The following COG7 variants were observed in gnomAD, a reference collection of about 807,000 sequenced individuals.
The protein encoded by COG7 is component of oligomeric golgi complex 7, also known as conserved oligomeric Golgi complex subunit 7.
In COG7, 49 loss-of-function variants were observed where a neutral mutation model predicts 91.5. The ratio of observed to expected loss-of-function variants is 0.54; its 90% confidence interval spans 0.43 to 0.68. COG7 has a LOEUF of 0.68. COG7 is among the 30% of genes least tolerant of loss of function. The probability of loss-of-function intolerance (pLI) is 0.00; values close to 1 mark genes in which losing one functional copy is unlikely to be tolerated. For synonymous variants in COG7, 365 were observed against 388.7 expected, an observed-to-expected ratio of 0.94 and a Z score of 0.72; for missense variants, 895 against 961.3, an observed-to-expected ratio of 0.93 and a Z score of 0.91.
In COG7 at chr16:23,388,496, C is replaced by T. The variant is rs985301890; in HGVS notation, c.*424G>A. ...AAAGAAGAAGGAAACAGTCTTCTTG[C>T]ATTTCACAGTAGTTATTTATTCCAT... On this transcript the variant is annotated 3_prime_UTR_variant, in exon 17 of 17. Transcript: ENST00000307149. 1 of 170,698 alleles carries T rather than the reference C, an allele frequency of 5.9e-6. No individual in the cohort carries two copies. The allele number at this position is 170,698 out of a possible 1,614,324, so 10.6% of individuals were successfully genotyped here.
chr16:23,440,085 CAAAAAAAAA>C (rs11294739), intron 4 of COG7, among the ~76,000 whole-genome samples: 1 of 79,304 alleles, frequency 1.3e-5, no homozygotes, highest in African/African-American at 4.1e-5. Flanking sequence ...CCCATCTATA[CAAAAAAAAA>C]AAAAAAAAAA....
At position 23,417,068 on chromosome 16, in the gene COG7, C is replaced by T. The variant is rs1417483591; in HGVS notation, c.1191G>A (p.Lys397=). The T allele has an allele frequency of 2.5e-6, 4 of 1,614,232 alleles. No homozygotes were observed. The highest frequency in any genetic ancestry group is 3.3e-5 in the Admixed American group (2 of 60,024). ...CVQELSHSVN[K]LFGLASAAVD... is the part of the protein sequence containing the mutation. ...CGGCTGCAGACGCCAGACCAAACAG[C>T]TTGTTCACGGAGTGGCTCAGCTCCT... Residue 397 remains lysine, a synonymous_variant, in exon 9 of 17, where the codon AAG becomes AAA. Coordinates refer to ENST00000307149, the MANE Select transcript of COG7 (RefSeq NM_153603.4).
chr16:23,436,447 A>G (rs1964014545), intron 4 of COG7, among the ~76,000 whole-genome samples: 1 of 152,176 alleles, frequency 6.6e-6, no homozygotes, highest in Non-Finnish European at 1.5e-5. Flanking sequence ...AAAAACTGTT[A>G]GCTAGGCCGG....
At chr16:23,398,171 A>G (rs778278998) in intron 13 of COG7, 42 bp from the exon 14 acceptor site, 1 of 1,546,424 alleles carries the variant, frequency 6.5e-7, no homozygotes, top group Non-Finnish European at 8.9e-7. Flanking sequence ...CCTAGCAGCC[A>G]GGCAGCTGTG....
At chr16:23,418,930 G>T in intron 7 of COG7, 103 bp from the exon 8 acceptor site, 1 of 991,104 alleles carries the variant, frequency 1.0e-6, no homozygotes, top group Non-Finnish European at 1.6e-6. Flanking sequence ...TTCCCCATTT[G>T]ATCTCCAGAG....
rs1247494434 is a variant in COG7 at position 23,424,846 on chromosome 16, C to A, written c.912G>T (p.Arg304Ser). ...LPSCLSNGVERAGPEQELTRL... is the reference protein window; with the variant it reads ...LPSCLSNGVESAGPEQELTRL... ...TGGTGAGCTCCTGCTCGGGCCCTGC[C>A]CTCTCCACGCCGTTGCTGAGGCAGG... The change falls in exon 7 of 17, where the codon AGG becomes AGT. Residue 304 changes from arginine (R) to serine (S), a missense_variant. Arg to Ser is a moderately radical substitution (Grantham distance 110). Coordinates refer to ENST00000307149, the MANE Select transcript of COG7 (RefSeq NM_153603.4). 6.2e-7 allele frequency: 1 copy of A among 1,614,130 alleles called. No homozygotes were observed. Among genetic ancestry groups the A allele is most frequent in the African/African-American group, 1.3e-5 (1 of 74,950 alleles).
chr16:23,442,353 A>G, intron 4 of COG7, 124 bp downstream of exon 4: 2 of 922,822 alleles, frequency 2.2e-6, no homozygotes, highest in South Asian at 3.0e-5. Context: ...AAAAAAAAAA[A>G]TTACAGAGTT....
intron 4 of COG7, among the ~76,000 whole-genome samples, chr16:23,440,976 GA>G (rs1244627011): frequency 6.6e-6 from 1 of 151,704 alleles, no homozygotes; most frequent in Non-Finnish European, 1.5e-5. Flanking sequence ...AGAGACCAGA[GA>G]AAATATGATA....
chr16:23,413,604 T>C (rs1363079416), intron 9 of COG7, 40 bp from the exon 10 acceptor site: 1 of 1,046,432 alleles, frequency 9.6e-7, no homozygotes, highest in Non-Finnish European at 1.5e-6. Context: ...AGGTCACCAC[T>C]GATTCCCCAA....
In COG7 at chr16:23,393,241, G is replaced by A. The variant is rs747701062; in HGVS notation, c.1994C>T (p.Pro665Leu). The change falls in exon 15 of 17, where the codon CCT becomes CTT. Residue 665 changes from proline to leucine, a missense_variant. Transcript: ENST00000307149. ...AAACGGTCCCCGCTTACCCTGCTCA[G>A]GAGGAAATGGCAGCTTTCCAGCGTG... ...ALHAGKLPFPPEQGDELPELD... is the reference protein window; with the variant it reads ...ALHAGKLPFPLEQGDELPELD... 3 of 1,613,086 alleles carry A rather than the reference G, an allele frequency of 1.9e-6. No individual in the cohort carries two copies. Among genetic ancestry groups the A allele is most frequent in the African/African-American group, 2.7e-5 (2 of 75,000 alleles).
intron 7 of COG7, among the ~76,000 whole-genome samples, chr16:23,420,519 C>T (rs929691013): frequency 6.6e-6 from 1 of 152,170 alleles, no homozygotes; most frequent in Non-Finnish European, 1.5e-5. Flanking sequence ...CTTCTGTTCA[C>T]ATGCTGATCC....
chr16:23,398,259 A>C, intron 13 of COG7, 130 bp from the exon 14 acceptor site: 1 of 744,036 alleles, frequency 1.3e-6, no homozygotes, highest in Admixed American at 2.0e-5. Flanking sequence ...TGACCGTTGG[A>C]GCCTCCACCA....
At chr16:23,444,045 G>C (rs543369025) in intron 3 of COG7, among the ~76,000 whole-genome samples, 1 of 151,756 alleles carries the variant, frequency 6.6e-6, no homozygotes, top group Non-Finnish European at 1.5e-5. Flanking sequence ...CCAGGTACTC[G>C]GGAGGCTGAG....
rs1024238662 is a variant in COG7, at chr16:23,422,422, TAA to T, written c.1009+2325_1009+2326del. Among the ~76,000 whole-genome samples, 13 of 150,600 alleles carry T rather than the reference TAA, an allele frequency of 8.6e-5. 1 individual carries two copies. Among genetic ancestry groups the T allele is most frequent in the African/African-American group, 2.9e-4 (12 of 41,140 alleles). ...TTGAGCATTTCAAAAAATGAAAATA[TAA>T]GACTGTCTACAACCAATATTTTAAG... On this transcript the variant is annotated intron_variant, in intron 7 of 16. Transcript: ENST00000307149.
chr16:23,404,830 G>A (rs1963433428), intron 12 of COG7, among the ~76,000 whole-genome samples: 1 of 152,220 alleles, frequency 6.6e-6, no homozygotes, highest in Non-Finnish European at 1.5e-5. Flanking sequence ...TGAGGCAGAA[G>A]AAACGCTTGA....
At chr16:23,406,338 CTTACTAAATTCA>C in intron 11 of COG7, 76 bp from the exon 12 acceptor site, 4 of 1,262,782 alleles carry the variant, frequency 3.2e-6, no homozygotes, top group South Asian at 1.2e-5. Context: ...CAGATTGCTC[CTTACTAAATTCA>C]AAGATAATCC....
At chr16:23,422,581 C>A (rs1191367656) in intron 7 of COG7, among the ~76,000 whole-genome samples, 1 of 150,396 alleles carries the variant, frequency 6.6e-6, no homozygotes, top group Non-Finnish European at 1.5e-5. Context: ...TATTTGTGAA[C>A]AATGTATATT....
At chr16:23,448,211 G>C (rs1964212658) in intron 1 of COG7, among the ~76,000 whole-genome samples, 1 of 152,138 alleles carries the variant, frequency 6.6e-6, no homozygotes, top group Non-Finnish European at 1.5e-5. Flanking sequence ...AGGGATAAAA[G>C]CCAAACTCCC....
chr16:23,434,566 C>T, intron 5 of COG7, 70 bp downstream of exon 5: 1 of 1,164,746 alleles, frequency 8.6e-7, no homozygotes, highest in Non-Finnish European at 1.3e-6. Context: ...AATTATGAAC[C>T]TGCGATTCTG....
Sources: gnomAD v4.1 joint callset for allele counts (sites outside exome capture counted in the v4.1 genomes callset) on GRCh38, gnomAD v4.1.1 for gene constraint, MANE v1.5 for transcripts, NCBI Gene and HGNC (gene_info 2026-07-23, HGNC 2026-07-21) for gene names.